The following CSMD1 variants were observed in gnomAD, a reference collection of about 807,000 sequenced individuals.
CSMD1 encodes the protein CUB and sushi domain-containing protein 1.
Under a neutral mutation model 417.5 loss-of-function variants are expected in CSMD1, and 213 were observed. The observed-to-expected ratio is 0.51, with a 90% CI of 0.46 to 0.57. The LOEUF (loss-of-function observed/expected upper bound fraction) is 0.57, where lower values mean the gene tolerates loss of function less well. Among genes scored for constraint, CSMD1 ranks in the 20% least tolerant of loss-of-function variants. The pLI is 0.00. For synonymous variants in CSMD1, 2,862 were observed against 1,736.8 expected (o/e 1.65, Z -16.11); for missense variants, 6,923 against 4,529.7 (o/e 1.53, Z -15.17).
intron 1 of CSMD1, among the ~76,000 whole-genome samples, chr8:4,735,510 CTTACA>C (rs1383017923): frequency 2.0e-5 from 3 of 152,158 alleles, no homozygotes; most frequent in South Asian, 2.1e-4. Flanking sequence ...TTTAATGCAA[CTTACA>C]TTAAAGGTCA....
intron 1 of CSMD1, among the ~76,000 whole-genome samples, chr8:4,668,051 T>A (rs1344176248): frequency 6.6e-6 from 1 of 152,234 alleles, no homozygotes; most frequent in East Asian, 1.9e-4. Context: ...TCTTATTTTG[T>A]AACATTAACA....
At chr8:3,390,354 CAAAAAA>C (rs35292914) in intron 17 of CSMD1, among the ~76,000 whole-genome samples, 25 of 64,266 alleles carry the variant, frequency 3.9e-4, no homozygotes, top group South Asian at 9.8e-4. Context: ...GACTCTGTCT[CAAAAAA>C]AAAAAAAAAA....
chr8:4,919,492 G>C (rs922115812), intron 1 of CSMD1, among the ~76,000 whole-genome samples: 6 of 152,152 alleles, frequency 3.9e-5, no homozygotes, highest in Admixed American at 3.3e-4. Context: ...TTTGAAGCAT[G>C]TTATCGGTCA....
chr8:3,133,123 G>A (rs553092303), intron 41 of CSMD1, among the ~76,000 whole-genome samples: 8 of 152,318 alleles, frequency 5.3e-5, no homozygotes, highest in South Asian at 4.1e-4. Flanking sequence ...GTCACCCACT[G>A]CAGCGTGGGC....
intron 4 of CSMD1, among the ~76,000 whole-genome samples, chr8:4,016,231 T>C (rs1796516471): frequency 6.6e-6 from 1 of 152,146 alleles, no homozygotes. Context: ...ATGTGATCTC[T>C]CCATTCCCTT....
At chr8:3,784,381 C>T (rs540842525) in intron 5 of CSMD1, among the ~76,000 whole-genome samples, 14 of 152,142 alleles carry the variant, frequency 9.2e-5, no homozygotes, top group Admixed American at 3.3e-4. Flanking sequence ...AGAAATCACA[C>T]GATTCTTCAG....
intron 10 of CSMD1, among the ~76,000 whole-genome samples, chr8:3,557,095 C>A (rs1333466806): frequency 1.3e-5 from 2 of 152,160 alleles, no homozygotes. Context: ...ATACAGGCGG[C>A]CAAATCCATT....
chr8:4,622,220 G>A (rs759372297), intron 2 of CSMD1, among the ~76,000 whole-genome samples: 1 of 151,668 alleles, frequency 6.6e-6, no homozygotes, highest in Admixed American at 6.6e-5. Context: ...ACATTACCTG[G>A]AGGCTCAGGC....
chr8:4,813,457 C>T (rs1015893346), intron 1 of CSMD1, among the ~76,000 whole-genome samples: 3 of 152,114 alleles, frequency 2.0e-5, no homozygotes, highest in African/African-American at 2.4e-5. Context: ...TTCCTAGATA[C>T]AACAGAACGT....
In CSMD1 at chr8:3,162,145, G is replaced by A. The variant is rs188811037; in HGVS notation, c.5844+14C>T. ...CATGTGTATGTTATTCCTGAGCACTGAGAAGAAGGATACCTGCAGGGTGTA... is the reference window on the plus strand; with the variant it reads ...CATGTGTATGTTATTCCTGAGCACTAAGAAGAAGGATACCTGCAGGGTGTA... On this transcript the variant is annotated intron_variant, in intron 38 of 69. Coordinates refer to ENST00000635120, the MANE Select transcript of CSMD1 (RefSeq NM_033225.6). 10 of 1,530,532 alleles carry A rather than the reference G, an allele frequency of 6.5e-6. No homozygotes were observed. Among genetic ancestry groups the A allele is most frequent in the Non-Finnish European group, 1.8e-6 (2 of 1,113,542 alleles). 94.8% of individuals were successfully genotyped at this position (1,530,532 alleles called of 1,614,324 possible).
intron 37 of CSMD1, among the ~76,000 whole-genome samples, chr8:3,170,586 T>C (rs944895521): frequency 1.2e-4 from 18 of 152,254 alleles, no homozygotes; most frequent in African/African-American, 2.2e-4. Flanking sequence ...TTAAGTCTTT[T>C]GTTTACAGCT....
At chr8:4,769,867 C>T (rs1585071076) in intron 1 of CSMD1, among the ~76,000 whole-genome samples, 2 of 152,212 alleles carry the variant, frequency 1.3e-5, no homozygotes, top group South Asian at 4.1e-4. Context: ...ATATGCATCC[C>T]ACCACTAACA....
chr8:3,876,110 A>G (rs1805796703), intron 5 of CSMD1, among the ~76,000 whole-genome samples: 1 of 152,120 alleles, frequency 6.6e-6, no homozygotes, highest in Admixed American at 6.5e-5. Context: ...TCTTCCTTTT[A>G]AAAAATAAGT....
At chr8:3,186,864 A>G (rs1258646440) in intron 36 of CSMD1, among the ~76,000 whole-genome samples, 1 of 152,242 alleles carries the variant, frequency 6.6e-6, no homozygotes, top group African/African-American at 2.4e-5. Flanking sequence ...AAACAGAGAT[A>G]GCAATAATCC....
At chr8:3,191,377 C>T (rs1796413515) in intron 33 of CSMD1, among the ~76,000 whole-genome samples, 2 of 152,086 alleles carry the variant, frequency 1.3e-5, no homozygotes, top group Admixed American at 1.3e-4. Flanking sequence ...AATCGCTTCA[C>T]CCTGGGAGGC....
chr8:3,105,200 C>A (rs540978862), intron 46 of CSMD1, among the ~76,000 whole-genome samples: 1 of 152,340 alleles, frequency 6.6e-6, no homozygotes, highest in South Asian at 2.1e-4. Flanking sequence ...GATAAATCAT[C>A]CTCTGTGTGC....
rs182784407 is a variant in CSMD1 at position 4,843,909 on chromosome 8, G to A, written c.85+150423C>T. Reference sequence around the variant, plus strand: ...ACACACCCAGTGAGCTCTTTTCTGGGTGCACAGGAGTTAGTTCAGAAGCTA... The same window carrying A: ...ACACACCCAGTGAGCTCTTTTCTGGATGCACAGGAGTTAGTTCAGAAGCTA... On this transcript the variant is annotated intron_variant, in intron 1 of 69. Transcript: ENST00000635120. Among the ~76,000 whole-genome samples the A allele has an allele frequency of 1.8e-3, 271 of 152,288 alleles. 2 individuals carry two copies. The highest frequency in any genetic ancestry group is 4.9e-4 in the Non-Finnish European group (33 of 68,024).
At chr8:3,605,089 G>A (rs1385631598) in intron 8 of CSMD1, among the ~76,000 whole-genome samples, 3 of 152,176 alleles carry the variant, frequency 2.0e-5, no homozygotes, top group Non-Finnish European at 4.4e-5. Flanking sequence ...CAGCCTCCCA[G>A]GTTCAAGTGA....
At chr8:3,308,183 T>G in intron 24 of CSMD1, 129 bp downstream of exon 24, 1 of 709,702 alleles carries the variant, frequency 1.4e-6, no homozygotes, top group South Asian at 2.2e-5. Context: ...AATCTCAGAA[T>G]ACATAAAACT....
Sources: gnomAD v4.1 joint callset for allele counts (sites outside exome capture counted in the v4.1 genomes callset) on GRCh38, gnomAD v4.1.1 for gene constraint, MANE v1.5 for transcripts, NCBI Gene and HGNC (gene_info 2026-07-23, HGNC 2026-07-21) for gene names.